CCT4: variants seen among roughly 807,000 people sequenced by gnomAD.
CCT4 encodes the protein chaperonin containing TCP1 subunit 4, also known as T-complex protein 1 subunit delta.
Under a neutral mutation model 62.5 loss-of-function variants are expected in CCT4, and 17 were observed. The observed-to-expected ratio is 0.27, with a 90% CI of 0.19 to 0.41. The LOEUF is 0.41. Ranked by LOEUF, CCT4 falls within the 10% of genes least tolerant of loss-of-function variation. The probability of loss-of-function intolerance (pLI) is 1.00; values close to 1 mark genes in which losing one functional copy is unlikely to be tolerated. For missense variants in CCT4, 592 were observed against 659.2 expected (o/e 0.90, Z 1.12); for synonymous variants, 250 against 229.9 (o/e 1.09, Z -0.79).
chr2:61,872,900 C>A (rs1254167118), intron 10 of CCT4, 102 bp downstream of exon 10: 10 of 759,564 alleles, frequency 1.3e-5, no homozygotes, highest in Admixed American at 2.1e-5. Context: ...GCACTCCAAC[C>A]TGGGCGACAG....
At chr2:61,879,737 C>T (rs1669073503) in intron 4 of CCT4, among the ~76,000 whole-genome samples, 1 of 150,010 alleles carries the variant, frequency 6.7e-6, no homozygotes, top group South Asian at 2.1e-4. Flanking sequence ...AATATTTCTA[C>T]CACTCATTTC....
At chr2:61,884,962 A>G in intron 2 of CCT4, 58 bp downstream of exon 2, 2 of 1,401,248 alleles carry the variant, frequency 1.4e-6, no homozygotes, top group South Asian at 1.3e-5. Context: ...CTTCAACAAG[A>G]TCTTGTAGTG....
intron 13 of CCT4, among the ~76,000 whole-genome samples, chr2:61,869,143 GAA>G (rs33947847): frequency 0.51 from 36,786 of 71,638 alleles, 7,173 homozygotes; most frequent in East Asian, 0.72. Context: ...CTTCGTCTCA[GAA>G]AAAAAAAAAA....
At chr2:61,886,854 G>A (rs879670999) in intron 1 of CCT4, among the ~76,000 whole-genome samples, 4 of 151,956 alleles carry the variant, frequency 2.6e-5, no homozygotes, top group Non-Finnish European at 5.9e-5. Context: ...CCGCCTCCCA[G>A]GTTCAAGCTA....
At chr2:61,882,339 C>G (rs1035356639) in intron 3 of CCT4, among the ~76,000 whole-genome samples, 1 of 152,022 alleles carries the variant, frequency 6.6e-6, no homozygotes, top group Non-Finnish European at 1.5e-5. Flanking sequence ...TTTCCATGGA[C>G]TAGTATAAGG....
intron 1 of CCT4, among the ~76,000 whole-genome samples, chr2:61,885,311 T>A (rs1669226793): frequency 6.6e-6 from 1 of 152,122 alleles, no homozygotes; most frequent in Non-Finnish European, 1.5e-5. Flanking sequence ...AATCACCATG[T>A]CCACAGAAGA....
Position 61,878,839 on chromosome 2 carries a change from T to C in CCT4, c.522+30A>G, listed in dbSNP as rs574640277. ...ATAGAGTAACACACTTTTAACTAAT[T>C]TGACAAGTATCCGTTAGTGTTTGTC... On this transcript the variant is annotated intron_variant, in intron 5 of 13. Transcript: ENST00000394440. The C allele has an allele frequency of 1.2e-5, 18 of 1,548,560 alleles. No individual in the cohort carries two copies. The African/African-American group carries it at 2.0e-4, about 18-fold the overall frequency.
rs373082885 is a variant in CCT4 at position 61,872,452 on chromosome 2, C to T, written c.1256+6G>A. ...ATGTTACTTAATAATGTAACACTGACATTACCTCTTCTTCACTAAACAACG... is the reference window on the plus strand; with the variant it reads ...ATGTTACTTAATAATGTAACACTGATATTACCTCTTCTTCACTAAACAACG... On this transcript the variant is annotated splice_donor_region_variant and intron_variant, in intron 11 of 13. Transcript: ENST00000394440. 12 of 1,607,934 alleles carry T rather than the reference C, an allele frequency of 7.5e-6. No homozygotes were observed. The African/African-American group carries it at 1.3e-4, about 18-fold the overall frequency.
At position 61,872,304 on chromosome 2, in the gene CCT4, T is replaced by C. The variant is rs1668900881; in HGVS notation, c.1269A>G (p.Ala423=). 6.3e-7 allele frequency: 1 copy of C among 1,595,504 alleles called. No individual in the cohort carries two copies. The highest frequency in any genetic ancestry group is 1.1e-5 in the South Asian group (1 of 88,482). ...ACTCTATTTCTGGAGCACCACCTCCTGCAATAAGAGCCCTGAAATTCACAA... is the reference window on the plus strand; with the variant it reads ...ACTCTATTTCTGGAGCACCACCTCCCGCAATAAGAGCCCTGAAATTCACAA... ...RCLVKKRALI[A]GGGAPEIELA... is the part of the protein sequence containing the mutation. Residue 423 remains alanine (A), a synonymous_variant, in exon 12 of 14, where the codon GCA becomes GCG. Coordinates refer to ENST00000394440, the MANE Select transcript of CCT4 (RefSeq NM_006430.4).
In CCT4 at chr2:61,883,844, T is replaced by G. The variant is rs1484632989; in HGVS notation, c.181-296A>C. Among the ~76,000 whole-genome samples, 6 of 149,804 alleles carry G rather than the reference T, an allele frequency of 4.0e-5. No individual in the cohort carries two copies. In the East Asian group the frequency reaches 1.2e-3, roughly 30 times the overall value. ...AGGAAAAATATTATAAAGAAGCACT[T>G]GCTATCTTTAATGATTTCTTATTAA... is the stretch of plus-strand genomic sequence containing the variant. On this transcript the variant is annotated intron_variant, in intron 2 of 13. Coordinates refer to ENST00000394440, the MANE Select transcript of CCT4 (RefSeq NM_006430.4).
At chr2:61,870,974 G>C (rs560120007) in intron 12 of CCT4, among the ~76,000 whole-genome samples, 2 of 7,988 alleles carry the variant, frequency 2.5e-4, no homozygotes, top group African/African-American at 1.1e-3. Flanking sequence ...CCCAACTACG[G>C]GAAGGAAAAA....
intron 8 of CCT4, 96 bp downstream of exon 8, chr2:61,875,999 T>TA (rs1425627955): frequency 2.8e-6 from 2 of 705,576 alleles, no homozygotes; most frequent in African/African-American, 1.8e-5. Flanking sequence ...GAACTTAGAG[T>TA]AAGTGCTTAA....
intron 1 of CCT4, 127 bp downstream of exon 1, chr2:61,888,254 G>T: frequency 1.7e-6 from 2 of 1,170,428 alleles, no homozygotes; most frequent in Non-Finnish European, 2.4e-6. Flanking sequence ...CCACTGGGCT[G>T]CTTCTATAGG....
In CCT4 at chr2:61,877,377, A is replaced by C. The variant is rs777424157; in HGVS notation, c.644+16T>G. The C allele has an allele frequency of 6.2e-7, 1 of 1,600,166 alleles. No individual in the cohort carries two copies. The highest frequency in any genetic ancestry group is 8.5e-7 in the Non-Finnish European group (1 of 1,174,750). Reference sequence around the variant, plus strand: ...ATTTTCAAATTTTTATTCAAGTTGTAATTAGAGATGCTTACCCAAGCTTCT... The same window carrying C: ...ATTTTCAAATTTTTATTCAAGTTGTCATTAGAGATGCTTACCCAAGCTTCT... On this transcript the variant is annotated intron_variant, in intron 6 of 13. Transcript: ENST00000394440.
intron 1 of CCT4, 48 bp from the exon 2 acceptor site, chr2:61,885,120 T>TC (rs759373338): frequency 6.8e-7 from 1 of 1,473,248 alleles, no homozygotes. Flanking sequence ...ACTTTTTTTT[T>TC]TTTAAGAGAC....
chr2:61,869,085 T>A (rs376791978), intron 13 of CCT4, among the ~76,000 whole-genome samples: 23 of 135,698 alleles, frequency 1.7e-4, no homozygotes, highest in African/African-American at 5.3e-4. Flanking sequence ...GAGGTTGCAA[T>A]GAGCCGAGAT....
At chr2:61,884,763 G>A (rs990214267) in intron 2 of CCT4, among the ~76,000 whole-genome samples, 1 of 152,048 alleles carries the variant, frequency 6.6e-6, no homozygotes, top group Non-Finnish European at 1.5e-5. Context: ...CCAGGAGCTA[G>A]GATTACAGGC....
chr2:61,869,074 G>A lies in CCT4; in HGVS notation c.1605+366C>T, dbSNP rs373499400. 4.0e-5 allele frequency among the ~76,000 whole-genome samples: 6 copies of A among 150,896 alleles called. No individual in the cohort carries two copies. The East Asian group carries it at 7.8e-4, about 20-fold the overall frequency. On this transcript the variant is annotated intron_variant, in intron 13 of 13. Coordinates refer to ENST00000394440, the MANE Select transcript of CCT4 (RefSeq NM_006430.4). ...AGAGAATCGCTTGAACCCAGGAGGC[G>A]GAGGTTGCAATGAGCCGAGATCATG...
intron 1 of CCT4, 64 bp from the exon 2 acceptor site, chr2:61,885,136 C>A: frequency 7.7e-7 from 1 of 1,302,614 alleles, no homozygotes; most frequent in Non-Finnish European, 1.0e-6. Context: ...GAGACAGGGT[C>A]TTACTATATT....
Sources: gnomAD v4.1 joint callset for allele counts (sites outside exome capture counted in the v4.1 genomes callset) on GRCh38, gnomAD v4.1.1 for gene constraint, MANE v1.5 for transcripts, NCBI Gene and HGNC (gene_info 2026-07-23, HGNC 2026-07-21) for gene names.